Variants in ZSWIM6 observed in about 807,000 individuals in gnomAD.
ZSWIM6 encodes the protein zinc finger SWIM-type containing 6.
ZSWIM6 carries 9 observed loss-of-function variants against 113.2 expected under a neutral mutation model. That is an observed-to-expected ratio of 0.08 (90% CI 0.05 to 0.14). ZSWIM6 has a LOEUF of 0.14. Among genes scored for constraint, ZSWIM6 ranks in the 10% least tolerant of loss-of-function variants. ZSWIM6 has a pLI of 1.00. For missense variants in ZSWIM6, 1,162 were observed against 1,552.2 expected, an observed-to-expected ratio of 0.75 and a Z score of 4.22; for synonymous variants, 611 against 606.5, an observed-to-expected ratio of 1.01 and a Z score of -0.11.
chr5:61,401,389 A>G (rs1218572290), intron 1 of ZSWIM6, among the ~76,000 whole-genome samples: 5 of 152,214 alleles, frequency 3.3e-5, no homozygotes, highest in African/African-American at 1.2e-4. Context: ...GGTAAAGTTT[A>G]AAAAGCAATT....
chr5:61,356,503 G>T (rs1464532315), intron 1 of ZSWIM6, among the ~76,000 whole-genome samples: 1 of 151,184 alleles, frequency 6.6e-6, no homozygotes, highest in Non-Finnish European at 1.5e-5. Context: ...ATTATTGAAA[G>T]TAAGGGCAAA....
intron 1 of ZSWIM6, chr5:61,391,536 A>C: frequency 9.9e-7 from 1 of 1,015,152 alleles, no homozygotes; most frequent in Non-Finnish European, 1.6e-6. Context: ...TCTTGCATGC[A>C]TCGCTGATGT....
At chr5:61,439,593 G>T (rs1746782200) in intron 1 of ZSWIM6, among the ~76,000 whole-genome samples, 1 of 152,146 alleles carries the variant, frequency 6.6e-6, no homozygotes, top group African/African-American at 2.4e-5. Context: ...TGTGTTGCTT[G>T]TAGCATCATC....
At chr5:61,503,228 A>G (rs759284112) in intron 4 of ZSWIM6, among the ~76,000 whole-genome samples, 2 of 152,208 alleles carry the variant, frequency 1.3e-5, no homozygotes, top group African/African-American at 2.4e-5. Context: ...GGGAGTTAAT[A>G]ACTGGTCTTA....
chr5:61,478,704 T>TG (rs1561254415), intron 2 of ZSWIM6, among the ~76,000 whole-genome samples: 12 of 141,016 alleles, frequency 8.5e-5, no homozygotes, highest in African/African-American at 2.8e-4. Flanking sequence ...TGTGTGTGTG[T>TG]TTGTGTGTGT....
chr5:61,420,916 AT>A (rs34581606), intron 1 of ZSWIM6, among the ~76,000 whole-genome samples: 2,603 of 145,932 alleles, frequency 0.018, 56 homozygotes, highest in African/African-American at 0.057. Context: ...TATTCGTTCT[AT>A]TTTTTTTTTT....
At position 61,505,751 on chromosome 5, in the gene ZSWIM6, T is replaced by TC. The variant is rs1561268651; in HGVS notation, c.1333+11341_1333+11342insC. Among the ~76,000 whole-genome samples, 16 of 138,012 alleles carry TC rather than the reference T, an allele frequency of 1.2e-4. 1 individual carries two copies. Among genetic ancestry groups the TC allele is most frequent in the African/African-American group, 4.4e-4 (15 of 33,902 alleles). The allele number at this position is 138,012 out of a possible 152,430, so 90.5% of individuals were successfully genotyped here. A position where few individuals can be genotyped will look rare whatever the true frequency, so the allele number is the denominator to read the frequency against. On this transcript the variant is annotated intron_variant, in intron 4 of 13. Transcript: ENST00000252744. Reference sequence around the variant, plus strand: ...TCCCTCTCTCTCTCTCTCTCTCTCTTTCTTTCTTTCTTTTTTTGAGACAGT... The same window carrying TC: ...TCCCTCTCTCTCTCTCTCTCTCTCTTCTCTTTCTTTCTTTTTTTGAGACAGT...
chr5:61,399,231 G>GTTTT (rs35540556), intron 1 of ZSWIM6, among the ~76,000 whole-genome samples: 106 of 117,976 alleles, frequency 9.0e-4, no homozygotes, highest in African/African-American at 3.1e-3. Context: ...GGCTGTGTAT[G>GTTTT]TTTTTTTTTT....
At chr5:61,431,882 G>A (rs1746591183) in intron 1 of ZSWIM6, among the ~76,000 whole-genome samples, 1 of 152,244 alleles carries the variant, frequency 6.6e-6, no homozygotes, top group Non-Finnish European at 1.5e-5. Flanking sequence ...TTTGCCTGAA[G>A]AAAGTTTCGG....
chr5:61,532,265 C>A (rs1053427940), intron 9 of ZSWIM6, among the ~76,000 whole-genome samples: 1 of 152,172 alleles, frequency 6.6e-6, no homozygotes, highest in East Asian at 1.9e-4. Context: ...ACAGATTCAT[C>A]AAGGAAAAGG....
chr5:61,366,298 C>G (rs932578225), intron 1 of ZSWIM6, among the ~76,000 whole-genome samples: 4 of 152,218 alleles, frequency 2.6e-5, no homozygotes, highest in African/African-American at 9.6e-5. Flanking sequence ...ACCCACTTTG[C>G]CTCTCTTTGT....
At chr5:61,408,646 G>A (rs1746088542) in intron 1 of ZSWIM6, among the ~76,000 whole-genome samples, 2 of 152,186 alleles carry the variant, frequency 1.3e-5, no homozygotes, top group South Asian at 2.1e-4. Flanking sequence ...GGGGTTAAAG[G>A]TGTGATGCAG....
At chr5:61,374,821 T>C (rs915268745) in intron 1 of ZSWIM6, among the ~76,000 whole-genome samples, 24 of 152,056 alleles carry the variant, frequency 1.6e-4, no homozygotes, top group South Asian at 2.1e-4. Flanking sequence ...TCCCAAAGTG[T>C]TGGGATTACA....
chr5:61,466,122 A>G (rs985087705), intron 1 of ZSWIM6, among the ~76,000 whole-genome samples: 1 of 152,186 alleles, frequency 6.6e-6, no homozygotes, highest in Non-Finnish European at 1.5e-5. Flanking sequence ...GATTTACATT[A>G]AAACTTTTTG....
intron 7 of ZSWIM6, among the ~76,000 whole-genome samples, chr5:61,527,370 T>C (rs1749316409): frequency 6.6e-6 from 1 of 152,206 alleles, no homozygotes; most frequent in Admixed American, 6.5e-5. Context: ...TATTTTTGTT[T>C]TTAATGCTTG....
chr5:61,377,059 A>G (rs570974679), intron 1 of ZSWIM6, among the ~76,000 whole-genome samples: 21 of 152,294 alleles, frequency 1.4e-4, no homozygotes, highest in African/African-American at 4.8e-4. Flanking sequence ...ATAGTAAGCT[A>G]CAATAATTAA....
intron 8 of ZSWIM6, among the ~76,000 whole-genome samples, chr5:61,530,910 C>T (rs1749413280): frequency 1.3e-5 from 2 of 152,124 alleles, no homozygotes; most frequent in Non-Finnish European, 2.9e-5. Context: ...AATTCACTTT[C>T]CTTGGGAGTT....
intron 1 of ZSWIM6, among the ~76,000 whole-genome samples, chr5:61,467,909 G>C (rs976225699): frequency 1.3e-5 from 2 of 152,026 alleles, no homozygotes; most frequent in Non-Finnish European, 2.9e-5. Flanking sequence ...CCACCTCCAC[G>C]GGCTAGACCC....
intron 1 of ZSWIM6, among the ~76,000 whole-genome samples, chr5:61,395,552 CATG>C (rs1156248582): frequency 3.9e-5 from 6 of 152,118 alleles, no homozygotes; most frequent in Admixed American, 1.3e-4. Flanking sequence ...GGGCTATACA[CATG>C]ATGATAGCTC....
Sources: allele counts gnomAD v4.1 joint callset (sites outside exome capture counted in the v4.1 genomes callset), GRCh38; gene constraint gnomAD v4.1.1; transcripts MANE v1.5; gene names NCBI Gene and HGNC (gene_info 2026-07-23, HGNC 2026-07-21).